PPFIA2: variants seen among roughly 807,000 people sequenced by gnomAD.
PPFIA2 encodes the protein PPFI scaffold protein A2, also known as liprin-alpha-2.
A neutral mutation model predicts 175.5 loss-of-function variants in PPFIA2; 46 were observed. That is an observed-to-expected ratio of 0.26 (90% CI 0.21 to 0.34). The LOEUF (loss-of-function observed/expected upper bound fraction) is 0.34, where lower values mean the gene tolerates loss of function less well. Among genes scored for constraint, PPFIA2 ranks in the 10% least tolerant of loss-of-function variants. The pLI is 1.00. For synonymous variants in PPFIA2, 568 were observed against 511.4 expected (o/e 1.11, Z -1.49); for missense variants, 1,179 against 1,506.1 (o/e 0.78, Z 3.60).
At chr12:81,751,635 ACTT>A (rs1353146828) in intron 3 of PPFIA2, among the ~76,000 whole-genome samples, 1 of 151,682 alleles carries the variant, frequency 6.6e-6, no homozygotes, top group African/African-American at 2.4e-5. Context: ...GAACCAGAAA[ACTT>A]CTGAGCTCCA....
At chr12:81,324,053 G>A (rs1435419262) in intron 22 of PPFIA2, among the ~76,000 whole-genome samples, 1 of 151,906 alleles carries the variant, frequency 6.6e-6, no homozygotes, top group Admixed American at 6.6e-5. Flanking sequence ...AATATTAAAA[G>A]CAAGTATTCT....
At chr12:81,353,453 C>CCA in intron 16 of PPFIA2, 114 bp from the exon 17 acceptor site, 1 of 689,468 alleles carries the variant, frequency 1.5e-6, no homozygotes, top group South Asian at 1.8e-5. Flanking sequence ...CTTGCAAAAA[C>CCA]TGAACCAATT....
At chr12:81,713,764 G>A (rs2078243539) in intron 3 of PPFIA2, among the ~76,000 whole-genome samples, 1 of 151,140 alleles carries the variant, frequency 6.6e-6, no homozygotes, top group South Asian at 2.1e-4. Context: ...GGGTTAACCT[G>A]ATTCACTCAT....
chr12:81,457,261 G>T (rs1283806498), intron 5 of PPFIA2, among the ~76,000 whole-genome samples: 1 of 151,680 alleles, frequency 6.6e-6, no homozygotes, highest in Non-Finnish European at 1.5e-5. Flanking sequence ...TGGGATTACA[G>T]GCATGAGGCA....
chr12:81,684,216 C>T (rs1047721146), intron 3 of PPFIA2, among the ~76,000 whole-genome samples: 3 of 152,068 alleles, frequency 2.0e-5, no homozygotes, highest in African/African-American at 7.2e-5. Flanking sequence ...CTAAATCAGT[C>T]AAGGTTCCAC....
chr12:81,306,364 A>T (rs766247161), intron 22 of PPFIA2, among the ~76,000 whole-genome samples: 1 of 152,260 alleles, frequency 6.6e-6, no homozygotes, highest in East Asian at 1.9e-4. Flanking sequence ...TTTTGCTGTG[A>T]TTCAGTTTCC....
intron 22 of PPFIA2, among the ~76,000 whole-genome samples, chr12:81,305,136 G>C (rs1482051803): frequency 6.6e-6 from 1 of 151,964 alleles, no homozygotes; most frequent in Non-Finnish European, 1.5e-5. Context: ...GTGTTTTTTG[G>C]CTATGTACTT....
At chr12:81,569,210 CT>C (rs1168960842) in intron 4 of PPFIA2, among the ~76,000 whole-genome samples, 2 of 152,102 alleles carry the variant, frequency 1.3e-5, no homozygotes, top group East Asian at 1.9e-4. Context: ...AATAGAGTTG[CT>C]TTTTTTATCT....
intron 4 of PPFIA2, among the ~76,000 whole-genome samples, chr12:81,557,850 T>C (rs1209725466): frequency 2.0e-5 from 3 of 152,074 alleles, no homozygotes; most frequent in African/African-American, 7.2e-5. Context: ...AGAGAATTAG[T>C]GCTTATGCTA....
chr12:81,758,320 C>CTGGGGGCGGGG, intron 2 of PPFIA2, 80 bp downstream of exon 2: 2 of 447,874 alleles, frequency 4.5e-6, no homozygotes, highest in Middle Eastern at 3.3e-4. Context: ...CTCATCTTCC[C>CTGGGGGCGGGG]TGGGGGCGGG....
At chr12:81,572,714 T>A (rs2072779440) in intron 4 of PPFIA2, among the ~76,000 whole-genome samples, 3 of 151,970 alleles carry the variant, frequency 2.0e-5, no homozygotes, top group Admixed American at 2.0e-4. Context: ...CAATGGGACA[T>A]CCTGGTGCTC....
intron 4 of PPFIA2, among the ~76,000 whole-genome samples, chr12:81,565,990 G>A (rs2071200938): frequency 6.6e-6 from 1 of 152,162 alleles, no homozygotes; most frequent in Admixed American, 6.5e-5. Flanking sequence ...TACAGGGAAA[G>A]CACATCTTCT....
chr12:81,388,391 A>G (rs1378314691), intron 8 of PPFIA2, among the ~76,000 whole-genome samples: 1 of 152,184 alleles, frequency 6.6e-6, no homozygotes, highest in Non-Finnish European at 1.5e-5. Flanking sequence ...AAGTAGATAC[A>G]AAAGAGTACA....
intron 7 of PPFIA2, chr12:81,430,364 T>A (rs771903595): frequency 1.3e-5 from 2 of 152,158 alleles, no homozygotes; most frequent in Non-Finnish European, 2.9e-5. Flanking sequence ...AACTCATACA[T>A]ACTTTTAATC....
At chr12:81,740,985 A>G (rs2082248461) in intron 3 of PPFIA2, among the ~76,000 whole-genome samples, 2 of 40,976 alleles carry the variant, frequency 4.9e-5, no homozygotes, top group South Asian at 1.6e-3. Context: ...ATATTCATAC[A>G]CTTTTTTTTG....
At chr12:81,386,763 A>G (rs2039063085) in intron 8 of PPFIA2, among the ~76,000 whole-genome samples, 2 of 152,236 alleles carry the variant, frequency 1.3e-5, no homozygotes, top group African/African-American at 2.4e-5. Context: ...GTAGAAACAA[A>G]AAGTATGGAG....
At position 81,626,211 on chromosome 12, in the gene PPFIA2, TA is replaced by T. The variant is rs199999678; in HGVS notation, c.303+50579del. The stretch of plus-strand genomic sequence containing the variant: ...ACTACGTAGAGGATTCATACTAGGT[TA>T]AAAAAAAGGGGGTGGGATGGGGGCT... On this transcript the variant is annotated intron_variant, in intron 4 of 32. Transcript: ENST00000549396. 2.4e-3 allele frequency among the ~76,000 whole-genome samples: 361 copies of T among 150,644 alleles called. 1 individual carries two copies. The highest frequency in any genetic ancestry group is 4.5e-3 in the Non-Finnish European group (304 of 67,514).
At chr12:81,496,768 T>C (rs563752481) in intron 4 of PPFIA2, among the ~76,000 whole-genome samples, 6 of 152,176 alleles carry the variant, frequency 3.9e-5, no homozygotes, top group Non-Finnish European at 8.8e-5. Flanking sequence ...AGTAAATGTA[T>C]AGCATGGGAG....
At chr12:81,626,823 A>G (rs1720712440) in intron 4 of PPFIA2, among the ~76,000 whole-genome samples, 1 of 152,140 alleles carries the variant, frequency 6.6e-6, no homozygotes, top group African/African-American at 2.4e-5. Flanking sequence ...AGTATGCCAA[A>G]TCATTCTTTA....
Sources: allele counts gnomAD v4.1 joint callset (sites outside exome capture counted in the v4.1 genomes callset), GRCh38; gene constraint gnomAD v4.1.1; transcripts MANE v1.5; gene names NCBI Gene and HGNC (gene_info 2026-07-23, HGNC 2026-07-21).